The following MAGI2 variants were observed in gnomAD, a reference collection of about 807,000 sequenced individuals.
MAGI2 encodes the protein membrane associated guanylate kinase, WW and PDZ domain containing 2, also known as membrane-associated guanylate kinase, WW and PDZ domain-containing protein 2.
A neutral mutation model predicts 133.3 loss-of-function variants in MAGI2; 35 were observed. The observed-to-expected ratio is 0.26, with a 90% CI of 0.20 to 0.35. The LOEUF (loss-of-function observed/expected upper bound fraction) is 0.35, where lower values mean the gene tolerates loss of function less well. MAGI2 is among the 10% of genes least tolerant of loss of function. MAGI2 has a pLI of 1.00. For missense variants in MAGI2, 1,636 were observed against 1,863.4 expected, an observed-to-expected ratio of 0.88 and a Z score of 2.25; for synonymous variants, 729 against 710.6, an observed-to-expected ratio of 1.03 and a Z score of -0.41.
intron 2 of MAGI2, among the ~76,000 whole-genome samples, chr7:78,992,895 A>G (rs576022737): frequency 3.2e-4 from 48 of 152,186 alleles, no homozygotes; most frequent in African/African-American, 1.1e-3. Flanking sequence ...TAGTGCTTCA[A>G]ATAATATATT....
At chr7:78,055,795 C>CT (rs1812505535) in intron 21 of MAGI2, among the ~76,000 whole-genome samples, 1 of 152,144 alleles carries the variant, frequency 6.6e-6, no homozygotes, top group Non-Finnish European at 1.5e-5. Context: ...CTGATTGCTC[C>CT]TTTAAGAAAC....
At chr7:79,329,981 G>C (rs755152314) in intron 1 of MAGI2, among the ~76,000 whole-genome samples, 2 of 151,904 alleles carry the variant, frequency 1.3e-5, no homozygotes, top group Non-Finnish European at 2.9e-5. Context: ...GCTAAATATA[G>C]GATTGATTTT....
chr7:78,848,192 C>T (rs537547720), intron 2 of MAGI2, among the ~76,000 whole-genome samples: 1 of 151,896 alleles, frequency 6.6e-6, no homozygotes, highest in Admixed American at 6.6e-5. Context: ...TTTGATTTGC[C>T]CTTTGGGGCT....
chr7:79,228,485 C>G (rs1831073988), intron 1 of MAGI2, among the ~76,000 whole-genome samples: 1 of 151,226 alleles, frequency 6.6e-6, no homozygotes, highest in Admixed American at 6.6e-5. Context: ...TCAATAACTA[C>G]TAATTGTAAA....
chr7:78,308,345 TACA>T (rs896882452), intron 9 of MAGI2, among the ~76,000 whole-genome samples: 5 of 152,186 alleles, frequency 3.3e-5, no homozygotes, highest in African/African-American at 1.2e-4. Flanking sequence ...GAGACCAATG[TACA>T]ACAAGACTGT....
At chr7:78,799,542 C>A (rs1201096166) in intron 2 of MAGI2, among the ~76,000 whole-genome samples, 4 of 152,128 alleles carry the variant, frequency 2.6e-5, no homozygotes, top group Non-Finnish European at 5.9e-5. Flanking sequence ...ACCTTTAATC[C>A]ATGTGGCCAA....
At chr7:78,507,021 ATTTC>A (rs1554446652) in intron 4 of MAGI2, among the ~76,000 whole-genome samples, 1 of 152,118 alleles carries the variant, frequency 6.6e-6, no homozygotes, top group Non-Finnish European at 1.5e-5. Flanking sequence ...TTATTCATTC[ATTTC>A]TTTATTCTTA....
chr7:78,818,562 T>G (rs246466), intron 2 of MAGI2, among the ~76,000 whole-genome samples: 2 of 152,182 alleles, frequency 1.3e-5, no homozygotes, highest in Admixed American at 6.5e-5. Flanking sequence ...CCAACCTTAA[T>G]GCTATTTTCC....
At chr7:79,246,354 A>G (rs1832819576) in intron 1 of MAGI2, among the ~76,000 whole-genome samples, 1 of 152,228 alleles carries the variant, frequency 6.6e-6, no homozygotes, top group Admixed American at 6.5e-5. Flanking sequence ...GGTCTCTCAG[A>G]GACAGATTTC....
intron 1 of MAGI2, among the ~76,000 whole-genome samples, chr7:79,043,997 T>C (rs1044557354): frequency 2.6e-5 from 4 of 152,084 alleles, no homozygotes; most frequent in African/African-American, 9.7e-5. Context: ...CTACCAGACA[T>C]ACAGAGAAGA....
intron 20 of MAGI2, among the ~76,000 whole-genome samples, chr7:78,101,165 A>C (rs543921887): frequency 8.1e-4 from 123 of 152,314 alleles, no homozygotes; most frequent in African/African-American, 2.8e-3. Context: ...CCATAACAAA[A>C]TTCCAATGGC....
intron 10 of MAGI2, among the ~76,000 whole-genome samples, chr7:78,246,494 A>G (rs1168768983): frequency 1.3e-5 from 2 of 152,102 alleles, no homozygotes; most frequent in Non-Finnish European, 2.9e-5. Flanking sequence ...CCCGCACGCA[A>G]AACAACTAGT....
intron 10 of MAGI2, among the ~76,000 whole-genome samples, chr7:78,212,290 T>C (rs6976800): frequency 0.29 from 44,241 of 152,120 alleles, 7,003 homozygotes; most frequent in Admixed American, 0.35. Context: ...AGGCAAAAGA[T>C]AATTTGCAGA....
chr7:78,853,293 G>A (rs747034952), intron 2 of MAGI2, among the ~76,000 whole-genome samples: 34 of 122,268 alleles, frequency 2.8e-4, no homozygotes, highest in Admixed American at 8.4e-4. Context: ...AACCCACCGT[G>A]TCTAAGAATA....
chr7:78,454,067 G>A (rs1447747718), intron 6 of MAGI2, among the ~76,000 whole-genome samples: 2 of 151,952 alleles, frequency 1.3e-5, no homozygotes, highest in African/African-American at 2.4e-5. Context: ...CTCCACATCC[G>A]GATTAACATG....
intron 16 of MAGI2, among the ~76,000 whole-genome samples, chr7:78,159,080 A>T (rs538548629): frequency 6.6e-6 from 1 of 152,220 alleles, no homozygotes; most frequent in South Asian, 2.1e-4. Flanking sequence ...CCTACCCACC[A>T]AATTATCTTT....
At chr7:78,332,018 G>C (rs1466304943) in intron 9 of MAGI2, among the ~76,000 whole-genome samples, 2 of 152,040 alleles carry the variant, frequency 1.3e-5, no homozygotes, top group African/African-American at 2.4e-5. Flanking sequence ...ACTGAAACTA[G>C]AAAAAAATGT....
At chr7:79,055,040 C>T (rs1343221373) in intron 1 of MAGI2, among the ~76,000 whole-genome samples, 1 of 152,148 alleles carries the variant, frequency 6.6e-6, no homozygotes, top group East Asian at 1.9e-4. Context: ...GTGATCCACC[C>T]ACCTTGGCCT....
chr7:79,358,147 GT>G (rs1842147094), intron 1 of MAGI2, among the ~76,000 whole-genome samples: 2 of 151,906 alleles, frequency 1.3e-5, no homozygotes, highest in African/African-American at 4.8e-5. Context: ...ATCCTCTGCT[GT>G]TGTAGTTATA....
Sources: gnomAD v4.1 joint callset for allele counts (sites outside exome capture counted in the v4.1 genomes callset) on GRCh38, gnomAD v4.1.1 for gene constraint, MANE v1.5 for transcripts, NCBI Gene and HGNC (gene_info 2026-07-23, HGNC 2026-07-21) for gene names.